ADAM18: variants seen among roughly 807,000 people sequenced by gnomAD.
The protein encoded by ADAM18 is disintegrin and metalloproteinase domain-containing protein 18.
In ADAM18, 117 loss-of-function variants were observed where a neutral mutation model predicts 94.4. The observed-to-expected ratio is 1.24, with a 90% CI of 1.07 to 1.45. The LOEUF (loss-of-function observed/expected upper bound fraction) is 1.45. Among genes scored for constraint, ADAM18 ranks in the 40% most tolerant of loss-of-function variants. ADAM18 has a pLI of 0.00. For synonymous variants in ADAM18, 327 were observed against 291.6 expected (o/e 1.12, Z -1.24); for missense variants, 936 against 880.0 (o/e 1.06, Z -0.81).
chr8:39,660,800 A>G (rs1025655902), intron 12 of ADAM18, among the ~76,000 whole-genome samples: 1 of 152,218 alleles, frequency 6.6e-6, no homozygotes, highest in African/African-American at 2.4e-5. Flanking sequence ...AGTAATTCTA[A>G]TCAATAATAG....
intron 6 of ADAM18, among the ~76,000 whole-genome samples, chr8:39,614,669 G>T (rs576193396): frequency 1.3e-5 from 2 of 152,240 alleles, no homozygotes; most frequent in South Asian, 4.1e-4. Flanking sequence ...AGCATGGCAG[G>T]TTGCATGAAG....
At chr8:39,691,977 T>C (rs554061944) in intron 16 of ADAM18, among the ~76,000 whole-genome samples, 1 of 151,926 alleles carries the variant, frequency 6.6e-6, no homozygotes, top group African/African-American at 2.4e-5. Flanking sequence ...TAAACAGATT[T>C]TATGGTGACA....
intron 19 of ADAM18, among the ~76,000 whole-genome samples, chr8:39,727,335 C>T (rs567613026): frequency 3.5e-4 from 54 of 152,294 alleles, no homozygotes; most frequent in African/African-American, 1.2e-3. Context: ...AAAGCTTTTT[C>T]TTGCTACAAA....
intron 17 of ADAM18, among the ~76,000 whole-genome samples, chr8:39,697,499 T>C (rs1384623061): frequency 1.3e-5 from 2 of 151,770 alleles, no homozygotes; most frequent in Admixed American, 6.6e-5. Flanking sequence ...ATTTAAAAGG[T>C]AGTGAATTTT....
intron 2 of ADAM18, among the ~76,000 whole-genome samples, chr8:39,593,654 C>T (rs951130395): frequency 2.0e-5 from 3 of 152,016 alleles, no homozygotes; most frequent in South Asian, 2.1e-4. Context: ...GAAGGATAGT[C>T]GAAAGACTAT....
At chr8:39,717,013 G>T (rs1232510685) in intron 18 of ADAM18, among the ~76,000 whole-genome samples, 1 of 151,636 alleles carries the variant, frequency 6.6e-6, no homozygotes, top group Non-Finnish European at 1.5e-5. Context: ...GCTCCATTTT[G>T]GCATTTGCAT....
At chr8:39,585,380 AT>A in intron 2 of ADAM18, 28 bp downstream of exon 2, 1 of 1,547,376 alleles carries the variant, frequency 6.5e-7, no homozygotes, top group Non-Finnish European at 8.9e-7. Flanking sequence ...TTTATTCTAT[AT>A]TTAAAGCTTT....
chr8:39,626,734 A>AT (rs1819780641), intron 6 of ADAM18, among the ~76,000 whole-genome samples: 1 of 151,944 alleles, frequency 6.6e-6, no homozygotes, highest in African/African-American at 2.4e-5. Context: ...TTTGGAGTTG[A>AT]TTTTTAGTTT....
chr8:39,727,675 C>T (rs1822954917), intron 19 of ADAM18, among the ~76,000 whole-genome samples: 1 of 152,164 alleles, frequency 6.6e-6, no homozygotes. Flanking sequence ...ATCCATATCA[C>T]TGTCAGCCTT....
intron 12 of ADAM18, among the ~76,000 whole-genome samples, chr8:39,657,124 T>C (rs1820705795): frequency 6.6e-6 from 1 of 152,192 alleles, no homozygotes; most frequent in South Asian, 2.1e-4. Context: ...CAAATTGTGC[T>C]ATAATCATAA....
At chr8:39,626,466 T>C (rs1424107247) in intron 6 of ADAM18, among the ~76,000 whole-genome samples, 1 of 151,924 alleles carries the variant, frequency 6.6e-6, no homozygotes, top group African/African-American at 2.4e-5. Flanking sequence ...TTTGTTCTTA[T>C]TTCTCTAGTT....
chr8:39,586,797 T>TATC lies in ADAM18; in HGVS notation c.132+1446_132+1448dup, dbSNP rs1390393964. Among the ~76,000 whole-genome samples, 86 of 131,890 alleles carry TATC rather than the reference T, an allele frequency of 6.5e-4. 1 individual carries two copies. Among genetic ancestry groups the TATC allele is most frequent in the South Asian group, 3.8e-3 (16 of 4,204 alleles). The allele number at this position is 131,890 out of a possible 152,430, so 86.5% of individuals were successfully genotyped here. A position where few individuals can be genotyped will look rare whatever the true frequency, so the allele number is the denominator to read the frequency against. On this transcript the variant is annotated intron_variant, in intron 2 of 19. Coordinates refer to ENST00000265707, the MANE Select transcript of ADAM18 (RefSeq NM_014237.3). ...CTATCTATCTATCTATCTATCTATC[T>TATC]ATCTATATCTATCTATCTATCATCT...
At chr8:39,610,290 C>T (rs1393501930) in intron 5 of ADAM18, among the ~76,000 whole-genome samples, 1 of 151,978 alleles carries the variant, frequency 6.6e-6, no homozygotes, top group Non-Finnish European at 1.5e-5. Context: ...ATGTGATTGC[C>T]TTACAAAAAT....
intron 2 of ADAM18, among the ~76,000 whole-genome samples, chr8:39,601,326 T>G (rs981747870): frequency 6.6e-6 from 1 of 152,242 alleles, no homozygotes; most frequent in East Asian, 1.9e-4. Context: ...GGCACTTTGC[T>G]CTCAGTGAAG....
intron 17 of ADAM18, among the ~76,000 whole-genome samples, chr8:39,701,437 A>G (rs1163631678): frequency 6.6e-6 from 1 of 151,860 alleles, no homozygotes; most frequent in Non-Finnish European, 1.5e-5. Context: ...TTTCACATTT[A>G]AACATTTTTC....
chr8:39,621,231 A>G (rs1274507959), intron 6 of ADAM18, among the ~76,000 whole-genome samples: 1 of 152,084 alleles, frequency 6.6e-6, no homozygotes, highest in Non-Finnish European at 1.5e-5. Flanking sequence ...GCAAATTAAG[A>G]ACATCATCAG....
chr8:39,602,341 A>G (rs1818931684), intron 2 of ADAM18, among the ~76,000 whole-genome samples: 2 of 152,116 alleles, frequency 1.3e-5, no homozygotes, highest in Admixed American at 6.5e-5. Flanking sequence ...ACACACCAAC[A>G]TTTGCTGTTG....
chr8:39,591,021 A>T (rs1301342070), intron 2 of ADAM18, among the ~76,000 whole-genome samples: 1 of 152,212 alleles, frequency 6.6e-6, no homozygotes, highest in African/African-American at 2.4e-5. Flanking sequence ...GGTATACTAT[A>T]TACTATAGTT....
chr8:39,620,178 G>T (rs1469920253), intron 6 of ADAM18, among the ~76,000 whole-genome samples: 1 of 151,698 alleles, frequency 6.6e-6, no homozygotes, highest in Non-Finnish European at 1.5e-5. Flanking sequence ...ACACACAAAA[G>T]AGTGAAAGTA....
Sources: gnomAD v4.1 joint callset for allele counts (sites outside exome capture counted in the v4.1 genomes callset) on GRCh38, gnomAD v4.1.1 for gene constraint, MANE v1.5 for transcripts, NCBI Gene and HGNC (gene_info 2026-07-23, HGNC 2026-07-21) for gene names.